SSX5: variants seen among roughly 807,000 people sequenced by gnomAD.
SSX5 encodes SSX family member 5.
SSX5 carries 14 observed loss-of-function variants against 14.9 expected under a neutral mutation model. The observed-to-expected ratio is 0.94, with a 90% CI of 0.62 to 1.47. The LOEUF (loss-of-function observed/expected upper bound fraction) is 1.47, where lower values mean the gene tolerates loss of function less well. Ranked by LOEUF, SSX5 falls within the 40% of genes most tolerant of loss-of-function variation. SSX5 has a pLI of 0.00. For synonymous variants in SSX5, 70 were observed against 55.4 expected (o/e 1.26, Z -1.17); for missense variants, 204 against 154.6 (o/e 1.32, Z -1.70).
At chrX:48,194,695 T>C in intron 3 of SSX5, 45 bp downstream of exon 3, 1 of 1,139,063 alleles carries the variant, frequency 8.8e-7, no homozygotes, top group Non-Finnish European at 1.2e-6. Flanking sequence ...GGAAAAGGGA[T>C]GCTCATGTAT....
intron 7 of SSX5, among the ~76,000 whole-genome samples, chrX:48,187,148 G>C (rs2059401258): frequency 8.9e-6 from 1 of 111,800 alleles, no homozygotes; most frequent in African/African-American, 3.3e-5. Flanking sequence ...TGGATATAGA[G>C]GGCAGGGAGT....
intron 4 of SSX5, among the ~76,000 whole-genome samples, chrX:48,193,639 C>T (rs1556925209): frequency 9.0e-6 from 1 of 110,939 alleles, no homozygotes; most frequent in Non-Finnish European, 1.9e-5. Context: ...ACCCCAGCTA[C>T]TCTGGAGGCT....
chrX:48,194,139 A>T lies in SSX5; in HGVS notation c.270T>A (p.Arg90=), dbSNP rs1556925324. 2 of 1,209,495 alleles carry T rather than the reference A, an allele frequency of 1.7e-6. No individual in the cohort carries two copies. The highest frequency in any genetic ancestry group is 1.8e-5 in the South Asian group (1 of 56,876). ...QGNDFDNDPN[R]GNQVEHPQMT... The stretch of plus-strand genomic sequence containing the variant: ...TTCCCATCTACTCACCCTGATTCCC[A>T]CGGTTAGGGTCATTATCAAAATCAT... The change falls in exon 4 of 8, where the codon CGT becomes CGA. Residue 90 remains arginine, a synonymous_variant. Coordinates refer to ENST00000347757, the MANE Select transcript of SSX5 (RefSeq NM_175723.2).
At chrX:48,187,340 G>T (rs1188101734) in intron 7 of SSX5, among the ~76,000 whole-genome samples, 1 of 110,818 alleles carries the variant, frequency 9.0e-6, no homozygotes, top group East Asian at 2.8e-4. Context: ...GGTGCTTGTA[G>T]CCCCAGCTAC....
intron 5 of SSX5, 150 bp from the exon 6 acceptor site, chrX:48,190,418 G>C: frequency 1.3e-6 from 1 of 740,888 alleles, no homozygotes; most frequent in Non-Finnish European, 1.9e-6. Flanking sequence ...AGAAACCTGG[G>C]AGGGGAGGTT....
rs782437049 is a variant in SSX5 at position 48,187,632 on chromosome X, T to C, written c.566A>G (p.Ter189=). ...EISDPQEDDE[*] is the part of the protein sequence containing the mutation. ...TGAGCCAAAGGTTCACTTACGGAGT[T>C]ACTCGTCATCTTCCTGAGGGTCGCT... The change falls in exon 7 of 8, where the codon TAA becomes TGA. Residue 189 remains the stop codon, a stop_retained_variant. Coordinates refer to ENST00000347757, the MANE Select transcript of SSX5 (RefSeq NM_175723.2). The C allele has an allele frequency of 1.2e-5, 15 of 1,206,963 alleles. No individual in the cohort carries two copies. In the African/African-American group the frequency reaches 2.3e-4, roughly 18 times the overall value.
chrX:48,188,385 C>A (rs781904635), intron 6 of SSX5, among the ~76,000 whole-genome samples: 5 of 112,136 alleles, frequency 4.5e-5, no homozygotes, highest in Non-Finnish European at 7.5e-5. Context: ...TCCTTGGTTA[C>A]AATCAATCCA....
intron 6 of SSX5, among the ~76,000 whole-genome samples, chrX:48,189,104 C>T (rs1458745515): frequency 4.5e-5 from 5 of 111,936 alleles, no homozygotes; most frequent in Non-Finnish European, 7.5e-5. Context: ...AAGCCGTCTC[C>T]ATAACATAAA....
chrX:48,195,323 C>T lies in SSX5; in HGVS notation c.36G>A (p.Arg12=), dbSNP rs781796534. Residue 12 remains arginine (R), a synonymous_variant, in exon 2 of 8, where the codon AGG becomes AGA. Transcript: ENST00000347757. ...NGDDAFVRRP[R]VGSQIPEKMQ... is the part of the protein sequence containing the mutation. Reference sequence around the variant, plus strand: ...TCTTCTCTGGTATTTGAGAACCAACCCTAGGTCTCCGTACAAAGGCATCGT... The same window carrying T: ...TCTTCTCTGGTATTTGAGAACCAACTCTAGGTCTCCGTACAAAGGCATCGT... 6 of 1,209,863 alleles carry T rather than the reference C, an allele frequency of 5.0e-6. No individual in the cohort carries two copies. In the African/African-American group the frequency reaches 8.7e-5, roughly 18 times the overall value.
chrX:48,192,392 G>A, intron 4 of SSX5, 111 bp from the exon 5 acceptor site: 2 of 1,060,500 alleles, frequency 1.9e-6, no homozygotes, highest in Non-Finnish European at 2.6e-6. Context: ...TCCACTGATT[G>A]TTGAGGAGTT....
At chrX:48,194,268 G>T in intron 3 of SSX5, 44 bp from the exon 4 acceptor site, 1 of 1,168,604 alleles carries the variant, frequency 8.6e-7, no homozygotes, top group Non-Finnish European at 1.2e-6. Context: ...ACAAGCTTAG[G>T]CCTGGTATGG....
rs781850090 is a variant in SSX5 at position 48,195,390 on chromosome X, A to C, written c.-20-12T>G. The C allele has an allele frequency of 9.2e-6, 11 of 1,201,994 alleles. No individual in the cohort carries two copies. The highest frequency in any genetic ancestry group is 1.2e-5 in the Non-Finnish European group (11 of 887,461). ...GGGAGCACTCTGTCCTACAAGAGAA[A>C]CAGTCTGAGTCTTTCCAGCTGCAGG... On this transcript the variant is annotated splice_polypyrimidine_tract_variant and intron_variant, in intron 1 of 7. Coordinates refer to ENST00000347757, the MANE Select transcript of SSX5 (RefSeq NM_175723.2).
At position 48,186,402 on chromosome X, in the gene SSX5, GT is replaced by G; in HGVS notation, c.*458del. ...TGTGTGTGTGTGTGTGTGTGTGTGTGTGCGCGCGCGCGCGCATGTGTGTCTG... is the reference window on the plus strand; with the variant it reads ...TGTGTGTGTGTGTGTGTGTGTGTGTGGCGCGCGCGCGCGCATGTGTGTCTG... On this transcript the variant is annotated 3_prime_UTR_variant, in exon 8 of 8. Coordinates refer to ENST00000347757, the MANE Select transcript of SSX5 (RefSeq NM_175723.2). 1 of 240,391 alleles carries G rather than the reference GT, an allele frequency of 4.2e-6. No individual in the cohort carries two copies. The highest frequency in any genetic ancestry group is 7.3e-6 in the Non-Finnish European group (1 of 136,126). The allele number at this position is 240,391 out of a possible 1,213,427, so 19.8% of individuals were successfully genotyped here.
intron 6 of SSX5, 107 bp from the exon 7 acceptor site, chrX:48,187,838 A>T (rs1338947315): frequency 8.2e-5 from 81 of 983,480 alleles, no homozygotes; most frequent in Non-Finnish European, 1.2e-4. Flanking sequence ...ATGCCTCCCC[A>T]CCACCAAGTG....
chrX:48,186,706 C>G lies in SSX5; in HGVS notation c.*155G>C. On this transcript the variant is annotated 3_prime_UTR_variant, in exon 8 of 8. Coordinates refer to ENST00000347757, the MANE Select transcript of SSX5 (RefSeq NM_175723.2). Reference sequence around the variant, plus strand: ...ACACTAACATCGAACTCTTGGCACACTAAGAAAAATGACGCTCAACTTTTC... The same window carrying G: ...ACACTAACATCGAACTCTTGGCACAGTAAGAAAAATGACGCTCAACTTTTC... The G allele has an allele frequency of 9.4e-7, 1 of 1,063,388 alleles. No individual in the cohort carries two copies. The highest frequency in any genetic ancestry group is 1.8e-5 in the African/African-American group (1 of 54,845). The allele number at this position is 1,063,388 out of a possible 1,213,427, so 87.6% of individuals were successfully genotyped here. A position where few individuals can be genotyped will look rare whatever the true frequency, so the allele number is the denominator to read the frequency against.
At chrX:48,194,315 G>A in intron 3 of SSX5, 91 bp from the exon 4 acceptor site, 2 of 970,421 alleles carry the variant, frequency 2.1e-6, no homozygotes, top group South Asian at 2.0e-5. Flanking sequence ...TTGGGAGGCT[G>A]AAGCTGGAGG....
rs201287901 is a variant in SSX5 at position 48,186,407 on chromosome X, C to T, written c.*454G>A. ...GTGTGTGTGTGTGTGTGTGTGTGCGCGCGCGCGCGCATGTGTGTCTGTGTG... is the reference window on the plus strand; with the variant it reads ...GTGTGTGTGTGTGTGTGTGTGTGCGTGCGCGCGCGCATGTGTGTCTGTGTG... On this transcript the variant is annotated 3_prime_UTR_variant, in exon 8 of 8. Transcript: ENST00000347757. 12 of 253,083 alleles carry T rather than the reference C, an allele frequency of 4.7e-5. No homozygotes were observed. Among genetic ancestry groups the T allele is most frequent in the East Asian group, 2.1e-4 (2 of 9,442 alleles). The allele number at this position is 253,083 out of a possible 1,213,427, so 20.9% of individuals were successfully genotyped here.
intron 5 of SSX5, among the ~76,000 whole-genome samples, chrX:48,191,612 G>T (rs2059420489): frequency 1.1e-5 from 1 of 93,746 alleles, no homozygotes; most frequent in African/African-American, 3.8e-5. Context: ...TGTTGTGAGA[G>T]TGGGTCTCTC....
rs781957840 is a variant in SSX5, at chrX:48,194,858, GA to G, written c.70-5del. 5.7e-3 allele frequency: 4,475 copies of G among 785,491 alleles called. No individual in the cohort carries two copies. Among genetic ancestry groups the G allele is most frequent in the Admixed American group, 0.015 (414 of 28,055 alleles). 64.7% of individuals were successfully genotyped at this position (785,491 alleles called of 1,213,427 possible). ...ATTTGGCAATATCATCGAAGGCCTAGAAAAAAAAAAAGGATTTCTGATAGTG... is the reference window on the plus strand; with the variant it reads ...ATTTGGCAATATCATCGAAGGCCTAGAAAAAAAAAAGGATTTCTGATAGTG... On this transcript the variant is annotated splice_region_variant and splice_polypyrimidine_tract_variant and intron_variant, in intron 2 of 7. Transcript: ENST00000347757.
Sources: allele counts gnomAD v4.1 joint callset (sites outside exome capture counted in the v4.1 genomes callset), GRCh38; gene constraint gnomAD v4.1.1; transcripts MANE v1.5; gene names NCBI Gene and HGNC (gene_info 2026-07-23, HGNC 2026-07-21).